Variants in EIF4E2 observed in about 807,000 individuals in gnomAD.
EIF4E2 encodes eukaryotic translation initiation factor 4E type 2.
EIF4E2 carries 13 observed loss-of-function variants against 34.2 expected under a neutral mutation model. That is an observed-to-expected ratio of 0.38 (90% confidence interval 0.25 to 0.60). The LOEUF is 0.60. EIF4E2 is among the 20% of genes least tolerant of loss of function. The pLI is 0.62. For missense variants in EIF4E2, 222 were observed against 315.1 expected (o/e 0.70, Z 2.24); for synonymous variants, 100 against 106.6 (o/e 0.94, Z 0.38).
At chr2:232,574,841 C>T (rs1693170969) in intron 6 of EIF4E2, among the ~76,000 whole-genome samples, 1 of 152,180 alleles carries the variant, frequency 6.6e-6, no homozygotes, top group Non-Finnish European at 1.5e-5. Context: ...GATTTCAGGA[C>T]TGTGTGAGTA....
chr2:232,557,806 T>C, intron 2 of EIF4E2, 78 bp from the exon 3 acceptor site: 2 of 1,518,182 alleles, frequency 1.3e-6, no homozygotes, highest in South Asian at 2.5e-5. Context: ...GTGGTAAGGA[T>C]TGACACTGCA....
At chr2:232,578,589 C>T (rs1312700150) in intron 6 of EIF4E2, among the ~76,000 whole-genome samples, 1 of 151,552 alleles carries the variant, frequency 6.6e-6, no homozygotes, top group Non-Finnish European at 1.5e-5. Context: ...TGAGATTGTG[C>T]CACTGCACTA....
chr2:232,557,875 A>G lies in EIF4E2; in HGVS notation c.136-9A>G. 5 of 1,612,602 alleles carry G rather than the reference A, an allele frequency of 3.1e-6. No individual in the cohort carries two copies. Among genetic ancestry groups the G allele is most frequent in the Non-Finnish European group, 4.2e-6 (5 of 1,179,792 alleles). On this transcript the variant is annotated splice_polypyrimidine_tract_variant and intron_variant, in intron 2 of 6. Coordinates refer to ENST00000258416, the MANE Select transcript of EIF4E2 (RefSeq NM_004846.4). The stretch of plus-strand genomic sequence containing the variant: ...TGCCCAGGACTAACACACCTTCTTT[A>G]CTTCCCAGGCTGTTGTCCCTGGACC...
chr2:232,574,235 A>G (rs1343390925), intron 6 of EIF4E2: 20 of 1,546,956 alleles, frequency 1.3e-5, no homozygotes, highest in Non-Finnish European at 1.7e-5. Flanking sequence ...TGAATGTGCT[A>G]TTGTGTTTTT....
At chr2:232,564,427 G>A (rs1692840633) in intron 4 of EIF4E2, 76 bp downstream of exon 4, 1 of 727,616 alleles carries the variant, frequency 1.4e-6, no homozygotes, top group African/African-American at 2.0e-5. Flanking sequence ...CCCTGCCAAG[G>A]TTAAAAGTAT....
exon 7 of EIF4E2, chr2:232,583,184 A>G (rs1367746420): frequency 1.3e-5 from 2 of 152,238 alleles, no homozygotes; most frequent in African/African-American, 4.8e-5. Flanking sequence ...ACCAGGGCCA[A>G]CGTAACCAGA....
exon 7 of EIF4E2, chr2:232,582,847 T>C (rs1027743886): frequency 6.6e-6 from 1 of 152,236 alleles, no homozygotes; most frequent in African/African-American, 2.4e-5. Context: ...TCTTACGTTT[T>C]CTAGAGCTGC....
At chr2:232,550,834 CG>C in intron 1 of EIF4E2, 90 bp downstream of exon 1, 1 of 1,263,200 alleles carries the variant, frequency 7.9e-7, no homozygotes, top group South Asian at 1.5e-5. Flanking sequence ...GCAAACCCTG[CG>C]GCACCGGCTT....
chr2:232,559,448 A>AT (rs1559315090), intron 3 of EIF4E2, among the ~76,000 whole-genome samples: 10,964 of 151,848 alleles, frequency 0.072, 941 homozygotes, highest in African/African-American at 0.19. Context: ...AAAAAAATAA[A>AT]AAAATAAAAT....
chr2:232,571,010 A>G (rs72993980), downstream of EIF4E2, among the ~76,000 whole-genome samples: 2,651 of 152,292 alleles, frequency 0.017, 53 homozygotes, highest in Middle Eastern at 0.068. Flanking sequence ...TACTCTGGAG[A>G]TAGGGCTGCT....
At chr2:232,565,239 C>T (rs1692879953) in intron 4 of EIF4E2, among the ~76,000 whole-genome samples, 2 of 152,246 alleles carry the variant, frequency 1.3e-5, no homozygotes, top group African/African-American at 4.8e-5. Context: ...CTTCCCTTCC[C>T]TGCAGGTGGA....
chr2:232,564,119 C>T, intron 3 of EIF4E2, 128 bp from the exon 4 acceptor site: 2 of 478,360 alleles, frequency 4.2e-6, no homozygotes, highest in South Asian at 1.2e-4. Context: ...AAAATGAGTC[C>T]TCTGAAAAGG....
At chr2:232,552,682 C>G (rs1289102880) in intron 1 of EIF4E2, among the ~76,000 whole-genome samples, 2 of 68,604 alleles carry the variant, frequency 2.9e-5, no homozygotes, top group African/African-American at 1.3e-4. Context: ...TAAACTTGCC[C>G]TCTTTTTTTT....
chr2:232,572,836 G>A (rs771720836), downstream of EIF4E2, among the ~76,000 whole-genome samples: 34 of 152,166 alleles, frequency 2.2e-4, no homozygotes, highest in Non-Finnish European at 4.1e-4. Context: ...CTAGTGTAAG[G>A]ATGGCCCTTC....
At chr2:232,568,326 A>G in intron 6 of EIF4E2, 2 of 985,426 alleles carry the variant, frequency 2.0e-6, no homozygotes, top group Non-Finnish European at 2.4e-6. Flanking sequence ...AAGTGGGAAC[A>G]CTGCTATGGG....
intron 3 of EIF4E2, among the ~76,000 whole-genome samples, chr2:232,561,514 T>C (rs1319893926): frequency 2.0e-5 from 3 of 152,158 alleles, no homozygotes; most frequent in South Asian, 2.1e-4. Context: ...ACCTGAAAAA[T>C]AGAAATAAAG....
chr2:232,562,920 C>T (rs1377976833), intron 3 of EIF4E2, among the ~76,000 whole-genome samples: 3 of 150,118 alleles, frequency 2.0e-5, no homozygotes, highest in South Asian at 4.2e-4. Context: ...CTATAGATGG[C>T]GTTAGTTCTG....
At chr2:232,583,279 A>T (rs181717833) in exon 7 of EIF4E2, 1 of 100,496 alleles carries the variant, frequency 1.0e-5, no homozygotes, top group Admixed American at 1.0e-4. Context: ...GTCGGTCTCC[A>T]CTTTGCACAG....
Position 232,581,269 on chromosome 2 carries a change from T to C in EIF4E2, c.*326T>C. 13 of 441,702 alleles carry C rather than the reference T, an allele frequency of 2.9e-5. No homozygotes were observed. The highest frequency in any genetic ancestry group is 2.4e-4 in the South Asian group (12 of 50,402). 27.4% of individuals were successfully genotyped at this position (441,702 alleles called of 1,614,324 possible). A position where few individuals can be genotyped will look rare whatever the true frequency, so the allele number is the denominator to read the frequency against. ...GTCCTGTTGTTCTCTTCCCGTGTTG[T>C]ACGAAGGGTACCGTGGCCACGTGTA... is the stretch of plus-strand genomic sequence containing the variant. On this transcript the variant is annotated 3_prime_UTR_variant, in exon 7 of 7. Coordinates refer to the EIF4E2 transcript ENST00000409098. This position sits in a 1 kb window ranked among gnomAD's most constrained non-coding sequence, Gnocchi z 5.2.
Sources: gnomAD v4.1 joint callset for allele counts (sites outside exome capture counted in the v4.1 genomes callset) on GRCh38, gnomAD v4.1.1 for gene constraint, Gnocchi (gnomAD v3.1) non-coding constraint, MANE v1.5 for transcripts, NCBI Gene and HGNC (gene_info 2026-07-23, HGNC 2026-07-21) for gene names.